Variants in PTPN4 observed in about 807,000 individuals in gnomAD.
PTPN4 encodes the protein tyrosine-protein phosphatase non-receptor type 4.
PTPN4 carries 49 observed loss-of-function variants against 135.5 expected under a neutral mutation model. That is an observed-to-expected ratio of 0.36 (90% CI 0.29 to 0.46). PTPN4 has a LOEUF of 0.46. PTPN4 is among the 20% of genes least tolerant of loss of function. The probability of loss-of-function intolerance (pLI) is 1.00; values close to 1 mark genes in which losing one functional copy is unlikely to be tolerated. For synonymous variants in PTPN4, 333 were observed against 369.9 expected (o/e 0.90, Z 1.14); for missense variants, 860 against 1,101.0 (o/e 0.78, Z 3.10).
intron 3 of PTPN4, among the ~76,000 whole-genome samples, chr2:119,867,742 T>A (rs1430727327): frequency 6.6e-6 from 1 of 152,216 alleles, no homozygotes; most frequent in African/African-American, 2.4e-5. Flanking sequence ...AACCCCAAGA[T>A]AACTAACTGA....
At chr2:119,926,506 T>A in intron 12 of PTPN4, 92 bp from the exon 13 acceptor site, 1 of 806,390 alleles carries the variant, frequency 1.2e-6, no homozygotes, top group Non-Finnish European at 1.9e-6. Flanking sequence ...GTCTTGTCTC[T>A]TAGGAAGTTA....
At chr2:119,937,968 AAAG>A (rs1345991365) in intron 15 of PTPN4, among the ~76,000 whole-genome samples, 5 of 152,070 alleles carry the variant, frequency 3.3e-5, no homozygotes, top group Non-Finnish European at 1.5e-5. Context: ...AAAAAAAAAA[AAAG>A]GTCAGAGTTT....
In PTPN4 at chr2:119,921,620, CTT is replaced by C. The variant is rs35311873; in HGVS notation, c.1001+1391_1001+1392del. On this transcript the variant is annotated intron_variant, in intron 12 of 26. Transcript: ENST00000263708. Reference sequence around the variant, plus strand: ...AGCAGTTTGCTGTCACGTTTAACTCCTTTTTTTTTTTTTGCCTTCCTAAAAGC... The same window carrying C: ...AGCAGTTTGCTGTCACGTTTAACTCCTTTTTTTTTTTGCCTTCCTAAAAGC... Among the ~76,000 whole-genome samples the C allele has an allele frequency of 7.4e-4, 107 of 144,336 alleles. 1 individual carries two copies. The East Asian group carries it at 0.012, about 16-fold the overall frequency. The allele number at this position is 144,336 out of a possible 152,430, so 94.7% of individuals were successfully genotyped here. A position where few individuals can be genotyped will look rare whatever the true frequency, so the allele number is the denominator to read the frequency against.
At chr2:119,898,106 G>GTTTT (rs1213426429) in intron 9 of PTPN4, among the ~76,000 whole-genome samples, 18 of 152,144 alleles carry the variant, frequency 1.2e-4, no homozygotes, top group African/African-American at 4.3e-4. Context: ...AACATAACTG[G>GTTTT]TCCTTTTCCA....
intron 25 of PTPN4, among the ~76,000 whole-genome samples, chr2:119,966,281 C>A (rs1049790770): frequency 6.6e-6 from 1 of 151,964 alleles, no homozygotes; most frequent in African/African-American, 2.4e-5. Flanking sequence ...TTTTTTCAGT[C>A]GGAGTCTCAT....
intron 9 of PTPN4, among the ~76,000 whole-genome samples, 155 bp downstream of exon 9, chr2:119,886,037 C>T (rs1386463579): frequency 1.3e-5 from 2 of 152,106 alleles, no homozygotes; most frequent in African/African-American, 2.4e-5. Flanking sequence ...TTCACAATAA[C>T]TTAAGATTCA....
At chr2:119,823,389 C>T (rs898175373) in intron 2 of PTPN4, among the ~76,000 whole-genome samples, 13 of 152,144 alleles carry the variant, frequency 8.5e-5, no homozygotes, top group Non-Finnish European at 1.5e-4. Context: ...TGCCCGCCAC[C>T]ACGCCCGGCT....
intron 15 of PTPN4, among the ~76,000 whole-genome samples, chr2:119,940,205 G>A (rs1216099482): frequency 1.3e-5 from 2 of 152,128 alleles, no homozygotes; most frequent in Non-Finnish European, 2.9e-5. Context: ...TAGTTTACAC[G>A]AGCTTTTTAA....
At chr2:119,849,008 A>G (rs1677551487) in intron 2 of PTPN4, among the ~76,000 whole-genome samples, 1 of 152,148 alleles carries the variant, frequency 6.6e-6, no homozygotes, top group African/African-American at 2.4e-5. Flanking sequence ...CCCCTTAAAT[A>G]TATTTTTCAT....
intron 5 of PTPN4, among the ~76,000 whole-genome samples, chr2:119,881,338 G>T (rs1678074596): frequency 6.6e-6 from 1 of 152,204 alleles, no homozygotes; most frequent in Non-Finnish European, 1.5e-5. Context: ...ATGATAAAAT[G>T]ATCAAAACGC....
At chr2:119,761,856 T>C (rs1175026925) in intron 1 of PTPN4, among the ~76,000 whole-genome samples, 1 of 152,194 alleles carries the variant, frequency 6.6e-6, no homozygotes, top group African/African-American at 2.4e-5. Context: ...AGTAGGTCCA[T>C]GTTTATTAAG....
At chr2:119,959,359 G>C (rs1679332267) in intron 22 of PTPN4, among the ~76,000 whole-genome samples, 1 of 152,140 alleles carries the variant, frequency 6.6e-6, no homozygotes, top group Non-Finnish European at 1.5e-5. Context: ...AAACTTCAAG[G>C]AATTACTATT....
intron 1 of PTPN4, among the ~76,000 whole-genome samples, chr2:119,807,691 T>C (rs1041845603): frequency 3.3e-5 from 5 of 152,036 alleles, no homozygotes; most frequent in Admixed American, 2.6e-4. Context: ...TTCCAATCAA[T>C]AGAAAAAGAG....
chr2:119,919,375 T>C (rs1268123563), intron 11 of PTPN4, among the ~76,000 whole-genome samples: 1 of 152,230 alleles, frequency 6.6e-6, no homozygotes, highest in Non-Finnish European at 1.5e-5. Context: ...TTAGGAATAT[T>C]GTTAAAAGTT....
intron 26 of PTPN4, among the ~76,000 whole-genome samples, chr2:119,972,925 T>G (rs1057480535): frequency 6.6e-6 from 1 of 152,172 alleles, no homozygotes; most frequent in Non-Finnish European, 1.5e-5. Context: ...GTAATGCTTT[T>G]TATATGTTGC....
chr2:119,975,616 T>G (rs1035197106), intron 26 of PTPN4, among the ~76,000 whole-genome samples: 1 of 152,066 alleles, frequency 6.6e-6, no homozygotes, highest in African/African-American at 2.4e-5. Flanking sequence ...TCCCAGCTAC[T>G]CCGGAGGCTG....
At chr2:119,870,204 A>G (rs1677890187) in intron 3 of PTPN4, among the ~76,000 whole-genome samples, 1 of 152,210 alleles carries the variant, frequency 6.6e-6, no homozygotes, top group South Asian at 2.1e-4. Context: ...TATACCATTT[A>G]GGAGACATAC....
chr2:119,899,431 GT>G (rs1433565007), intron 9 of PTPN4, among the ~76,000 whole-genome samples: 1 of 152,114 alleles, frequency 6.6e-6, no homozygotes, highest in Non-Finnish European at 1.5e-5. Context: ...AGTTTGGGCT[GT>G]GGTTTTATGA....
intron 10 of PTPN4, among the ~76,000 whole-genome samples, chr2:119,910,123 T>G (rs1245715492): frequency 6.6e-6 from 1 of 152,082 alleles, no homozygotes; most frequent in Admixed American, 6.6e-5. Context: ...TGTAGGTAAG[T>G]GCTATCAAAT....
Sources: allele counts gnomAD v4.1 joint callset (sites outside exome capture counted in the v4.1 genomes callset), GRCh38; gene constraint gnomAD v4.1.1; transcripts MANE v1.5; gene names NCBI Gene and HGNC (gene_info 2026-07-23, HGNC 2026-07-21).